SYNE3: variants seen among roughly 807,000 people sequenced by gnomAD.
The protein encoded by SYNE3 is nesprin-3.
Under a neutral mutation model 111.2 loss-of-function variants are expected in SYNE3, and 100 were observed. The observed-to-expected ratio is 0.90, with a 90% CI of 0.77 to 1.06. The LOEUF is 1.06. Ranked by LOEUF, SYNE3 falls within the 50% of genes least tolerant of loss-of-function variation. The pLI, the probability that SYNE3 is intolerant of heterozygous loss-of-function variation, is 0.00. For synonymous variants in SYNE3, 547 were observed against 533.9 expected (o/e 1.02, Z -0.34); for missense variants, 1,160 against 1,240.3 (o/e 0.94, Z 0.97).
At chr14:95,472,059 A>T (rs1888563683) in intron 2 of SYNE3, among the ~76,000 whole-genome samples, 1 of 152,236 alleles carries the variant, frequency 6.6e-6, no homozygotes, top group Non-Finnish European at 1.5e-5. Flanking sequence ...GCAAAGTAGT[A>T]TGAGAGCTCA....
rs922229119 is a variant in SYNE3, at chr14:95,499,902, C to A, written c.-15+16694G>T. 4.2e-5 allele frequency among the ~76,000 whole-genome samples: 5 copies of A among 117,694 alleles called. 1 individual carries two copies. Among genetic ancestry groups the A allele is most frequent in the East Asian group, 5.7e-4 (2 of 3,490 alleles). The allele number at this position is 117,694 out of a possible 152,430, so 77.2% of individuals were successfully genotyped here. ...GAGATGGAGTTTAGCTCTTGTTGCC[C>A]AGGCTGGAGTGCAGTGGCACCATCT... On this transcript the variant is annotated intron_variant, in intron 1 of 17. Transcript: ENST00000682763.
At chr14:95,422,683 A>G (rs1209084) in intron 17 of SYNE3, among the ~76,000 whole-genome samples, 54,408 of 152,096 alleles carry the variant, frequency 0.36, 11,927 homozygotes, top group Non-Finnish European at 0.51. Flanking sequence ...CCAGGCAGGC[A>G]CCAAGCGTGG....
intron 1 of SYNE3, among the ~76,000 whole-genome samples, chr14:95,498,972 C>A (rs569126795): frequency 1.1e-4 from 17 of 152,336 alleles, no homozygotes; most frequent in African/African-American, 3.8e-4. Flanking sequence ...CCATTCGAAT[C>A]TCACTTTTAA....
At chr14:95,419,307 T>A (rs1206957607) in intron 17 of SYNE3, among the ~76,000 whole-genome samples, 3 of 152,142 alleles carry the variant, frequency 2.0e-5, no homozygotes, top group Non-Finnish European at 4.4e-5. Context: ...CAATATTGGA[T>A]CCTCTGTTAT....
intron 17 of SYNE3, among the ~76,000 whole-genome samples, chr14:95,421,228 G>A (rs1351483060): frequency 6.6e-6 from 1 of 152,190 alleles, no homozygotes; most frequent in Non-Finnish European, 1.5e-5. Context: ...TGAAGGTAGG[G>A]AAGCAGGGGT....
In SYNE3 at chr14:95,474,154, C is replaced by T. The variant is rs187108249; in HGVS notation, c.144+1524G>A. On this transcript the variant is annotated intron_variant, in intron 2 of 17. Transcript: ENST00000682763. Reference sequence around the variant, plus strand: ...GGTATGACAGTGGCTGGAGCTAAGGCTGGTGTGATCTTGGGAGGTGTGACA... The same window carrying T: ...GGTATGACAGTGGCTGGAGCTAAGGTTGGTGTGATCTTGGGAGGTGTGACA... 3.8e-3 allele frequency among the ~76,000 whole-genome samples: 583 copies of T among 152,318 alleles called. 3 individuals are homozygous for T. The highest frequency in any genetic ancestry group is 6.2e-3 in the Non-Finnish European group (421 of 68,024).
chr14:95,462,178 C>G lies in SYNE3; in HGVS notation c.627+3753G>C, dbSNP rs547570571. Among the ~76,000 whole-genome samples the G allele has an allele frequency of 1.7e-3, 260 of 152,278 alleles. 1 individual carries two copies. The highest frequency in any genetic ancestry group is 5.9e-3 in the African/African-American group (246 of 41,556). On this transcript the variant is annotated intron_variant, in intron 4 of 17. Transcript: ENST00000682763. Reference sequence around the variant, plus strand: ...AATGCACACTCATACCTTCTGAATACAAGATCAAAGAGGCTGCAGGGGTCC... The same window carrying G: ...AATGCACACTCATACCTTCTGAATAGAAGATCAAAGAGGCTGCAGGGGTCC...
At chr14:95,513,737 T>TTATATATATATATATATATATATA (rs59944497) in intron 1 of SYNE3, among the ~76,000 whole-genome samples, 8 of 92,496 alleles carry the variant, frequency 8.6e-5, no homozygotes, top group African/African-American at 1.4e-4. Context: ...GCTGCTTAGA[T>TTATATATATATATATATATATATA]TATATATATA....
chr14:95,439,095 T>C lies in SYNE3; in HGVS notation c.2314A>G (p.Asn772Asp), dbSNP rs1314771442. ...DSGKKMVFTN[N>D]IPKSGFLINP... ...ATGAGAAATCCTGACTTTGGGATGT[T>C]GTTGGTGAAAACCATTTTCTTCCCC... Residue 772 changes from asparagine (N) to aspartate (D), a missense_variant, in exon 14 of 18, where the codon AAC becomes GAC. Physicochemically the swap from Asn to Asp is conservative, Grantham distance 23. Coordinates refer to ENST00000682763, the MANE Select transcript of SYNE3 (RefSeq NM_152592.6). 2 of 1,614,268 alleles carry C rather than the reference T, an allele frequency of 1.2e-6. No homozygotes were observed. Among genetic ancestry groups the C allele is most frequent in the Admixed American group, 1.7e-5 (1 of 60,038 alleles).
rs111376853 is a variant in SYNE3 at position 95,463,161 on chromosome 14, T to TA, written c.627+2769dup. Among the ~76,000 whole-genome samples the TA allele has an allele frequency of 2.9e-3, 445 of 151,428 alleles. 3 individuals are homozygous for TA. Among genetic ancestry groups the TA allele is most frequent in the African/African-American group, 9.6e-3 (396 of 41,292 alleles). On this transcript the variant is annotated intron_variant, in intron 4 of 17. Transcript: ENST00000682763. ...ACAAGAGTGAAACTCAGTCTCAAAA[T>TA]AAAAAAAAGAGTCCAATAACAACTT...
Position 95,460,380 on chromosome 14 carries a change from T to G in SYNE3, c.628-3042A>C, listed in dbSNP as rs1477306679. Among the ~76,000 whole-genome samples, 472 of 148,686 alleles carry G rather than the reference T, an allele frequency of 3.2e-3. 2 individuals are homozygous for G. The highest frequency in any genetic ancestry group is 0.01 in the African/African-American group (420 of 40,576). ...CCACGATGCCTAGTTTTTTTTTTTT[T>G]TTTTTTTTTTTGCTATTTTTAGAAG... On this transcript the variant is annotated intron_variant, in intron 4 of 17. Coordinates refer to ENST00000682763, the MANE Select transcript of SYNE3 (RefSeq NM_152592.6).
chr14:95,480,216 G>A (rs542660015), intron 1 of SYNE3, among the ~76,000 whole-genome samples: 1 of 152,220 alleles, frequency 6.6e-6, no homozygotes, highest in African/African-American at 2.4e-5. Flanking sequence ...GGGAGAGTAG[G>A]GCTCTAGGCG....
intron 17 of SYNE3, among the ~76,000 whole-genome samples, chr14:95,424,401 T>G (rs1182455924): frequency 6.6e-6 from 1 of 151,540 alleles, no homozygotes; most frequent in Non-Finnish European, 1.5e-5. Flanking sequence ...CCAGGGAGAG[T>G]GACCCAGGAG....
chr14:95,461,846 A>T (rs1887841567), intron 4 of SYNE3, among the ~76,000 whole-genome samples: 1 of 152,172 alleles, frequency 6.6e-6, no homozygotes, highest in Admixed American at 6.5e-5. Flanking sequence ...GGAGGCTGGG[A>T]CCACCAAGGA....
At position 95,472,828 on chromosome 14, in the gene SYNE3, G is replaced by A. The variant is rs550237924; in HGVS notation, c.144+2850C>T. On this transcript the variant is annotated intron_variant, in intron 2 of 17. Transcript: ENST00000682763. Reference sequence around the variant, plus strand: ...CCCTTAACCCCTCGGGAACACAAGGGGTGAGGGGGTTCATTCCTGCTCTAC... The same window carrying A: ...CCCTTAACCCCTCGGGAACACAAGGAGTGAGGGGGTTCATTCCTGCTCTAC... Among the ~76,000 whole-genome samples the A allele has an allele frequency of 2.0e-5, 3 of 152,176 alleles. No homozygotes were observed. The South Asian group carries it at 6.2e-4, about 32-fold the overall frequency.
intron 11 of SYNE3, 120 bp downstream of exon 11, chr14:95,443,035 G>T: frequency 7.8e-7 from 1 of 1,283,746 alleles, no homozygotes; most frequent in Non-Finnish European, 1.1e-6. Flanking sequence ...AAAACAGGGA[G>T]AAAGAAAAAA....
At position 95,444,609 on chromosome 14, in the gene SYNE3, T is replaced by C; in HGVS notation, c.1652A>G (p.Lys551Arg). 1.9e-6 allele frequency: 3 copies of C among 1,606,478 alleles called. No individual in the cohort carries two copies. Among genetic ancestry groups the C allele is most frequent in the Non-Finnish European group, 2.6e-6 (3 of 1,175,380 alleles). ...SKLQSLLAQH[K>R]DFGAAFEPLQ... is the part of the protein sequence containing the mutation. ...GGGCTCAAAAGCTGCTCCAAAGTCT[T>C]TGTGCTGAGCGAGCAGGCTCTGCAG... Residue 551 changes from lysine (K) to arginine (R), a missense_variant, in exon 10 of 18, where the codon AAA becomes AGA. By Grantham distance (26) the Lys-to-Arg change is conservative. Coordinates refer to ENST00000682763, the MANE Select transcript of SYNE3 (RefSeq NM_152592.6).
intron 1 of SYNE3, among the ~76,000 whole-genome samples, chr14:95,482,607 A>G (rs1177466322): frequency 6.6e-6 from 1 of 152,158 alleles, no homozygotes; most frequent in African/African-American, 2.4e-5. Context: ...CGTCAGTTTC[A>G]GGGAGTGACT....
chr14:95,436,125 C>T (rs1397681733), intron 15 of SYNE3, among the ~76,000 whole-genome samples: 1 of 152,184 alleles, frequency 6.6e-6, no homozygotes, highest in Non-Finnish European at 1.5e-5. Context: ...TCTCCCTCCC[C>T]CCAGCCATAT....
Sources: gnomAD v4.1 joint callset for allele counts (sites outside exome capture counted in the v4.1 genomes callset) on GRCh38, gnomAD v4.1.1 for gene constraint, MANE v1.5 for transcripts, NCBI Gene and HGNC (gene_info 2026-07-23, HGNC 2026-07-21) for gene names.